Variants in USB1 observed in about 807,000 individuals in gnomAD.
The protein encoded by USB1 is U6 snRNA biogenesis phosphodiesterase 1.
USB1 carries 21 observed loss-of-function variants against 29.9 expected under a neutral mutation model. That is an observed-to-expected ratio of 0.70 (90% CI 0.50 to 1.01). The LOEUF is 1.01. USB1 is among the 50% of genes least tolerant of loss of function. The pLI is 0.00. For synonymous variants in USB1, 143 were observed against 134.9 expected (o/e 1.06, Z -0.42); for missense variants, 330 against 347.1 (o/e 0.95, Z 0.39).
At chr16:58,002,449 T>C in intron 1 of USB1, 30 bp from the exon 2 acceptor site, 1 of 1,612,748 alleles carries the variant, frequency 6.2e-7, no homozygotes, top group East Asian at 2.2e-5. Flanking sequence ...ACAGGATAAA[T>C]GTACTCATTT....
rs370473790 is a variant in USB1 at position 58,020,410 on chromosome 16, T to TTCTCTC, written c.*173_*178dup. Reference sequence around the variant, plus strand: ...TCCTCATCCTCCCTGAGTGCTGATATTCTCTCTCTCTCTTTCTCTTCCTCT... The same window carrying TTCTCTC: ...TCCTCATCCTCCCTGAGTGCTGATATTCTCTCTCTCTCTCTCTCTTTCTCTTCCTCT... On this transcript the variant is annotated 3_prime_UTR_variant, in exon 7 of 7. Transcript: ENST00000219281. 1.3e-4 allele frequency: 91 copies of TTCTCTC among 679,194 alleles called. No homozygotes were observed. The African/African-American group carries it at 1.4e-3, about 11-fold the overall frequency. The allele number at this position is 679,194 out of a possible 1,614,324, so 42.1% of individuals were successfully genotyped here.
At chr16:58,017,469 G>T in intron 5 of USB1, 30 bp downstream of exon 5, 1 of 1,578,228 alleles carries the variant, frequency 6.3e-7, no homozygotes, top group South Asian at 1.1e-5. Flanking sequence ...CTTCTCCATT[G>T]ACCCATTTCT....
Position 58,010,076 on chromosome 16 carries a change from T to C in USB1, c.413T>C (p.Val138Ala). ...VLRHHWILPF[V>A]QALKARMTSF... ...CGCCACCACTGGATCCTCCCCTTCGTGCAGGCTCTGAAAGCCCGTATGACC... is the reference window on the plus strand; with the variant it reads ...CGCCACCACTGGATCCTCCCCTTCGCGCAGGCTCTGAAAGCCCGTATGACC... Residue 138 changes from valine (V) to alanine (A), a missense_variant, in exon 3 of 7, where the codon GTG (valine) becomes GCG (alanine). By Grantham distance (64) the Val-to-Ala change is moderately conservative. Coordinates refer to ENST00000219281, the MANE Select transcript of USB1 (RefSeq NM_024598.4). 6.2e-7 allele frequency: 1 copy of C among 1,614,130 alleles called. No individual in the cohort carries two copies. Among genetic ancestry groups the C allele is most frequent in the East Asian group, 2.2e-5 (1 of 44,866 alleles).
At chr16:58,008,903 G>A (rs75625208) in intron 2 of USB1, among the ~76,000 whole-genome samples, 3,081 of 152,084 alleles carry the variant, frequency 0.02, 42 homozygotes, top group Non-Finnish European at 0.033. Flanking sequence ...TCTTTGATCC[G>A]TGTGTTATTT....
Position 58,013,769 on chromosome 16 carries a change from T to C in USB1, c.450-504T>C, listed in dbSNP as rs564044046. 2.0e-4 allele frequency: 60 copies of C among 301,242 alleles called. No homozygotes were observed. In the Middle Eastern group the frequency reaches 5.0e-3, roughly 25 times the overall value. 18.7% of individuals were successfully genotyped at this position (301,242 alleles called of 1,614,324 possible). ...TGCCTCTGTTTCTTTGTCTGTAAAA[T>C]GGGCATAATTGTAGGCCTGCTCACA... On this transcript the variant is annotated intron_variant, in intron 3 of 6. Coordinates refer to ENST00000219281, the MANE Select transcript of USB1 (RefSeq NM_024598.4). The surrounding 1 kb of genome is among the most constrained non-coding windows in gnomAD (Gnocchi z 4.3).
At chr16:58,012,922 T>C (rs920671962) in intron 3 of USB1, 15 of 986,650 alleles carry the variant, frequency 1.5e-5, no homozygotes, top group Middle Eastern at 1.0e-3. Context: ...CAAGAAATAC[T>C]GATCCCTGTG....
At chr16:58,003,190 G>A (rs146614607) in intron 2 of USB1, among the ~76,000 whole-genome samples, 1,577 of 152,280 alleles carry the variant, frequency 0.01, 37 homozygotes, top group African/African-American at 0.036. Context: ...TTTGGGAAGC[G>A]GAGGCAGGCA....
chr16:58,009,896 G>A (rs142893078), intron 2 of USB1, 33 bp from the exon 3 acceptor site: 13 of 1,613,840 alleles, frequency 8.1e-6, no homozygotes, highest in Non-Finnish European at 1.1e-5. Context: ...TTGGCTGAGA[G>A]AACGGCCCGC....
Position 58,002,482 on chromosome 16 carries a change from C to G in USB1, c.102C>G (p.Gly34=), listed in dbSNP as rs144716560. The G allele has an allele frequency of 6.2e-7, 1 of 1,613,794 alleles. No individual in the cohort carries two copies. Among genetic ancestry groups the G allele is most frequent in the Non-Finnish European group, 8.5e-7 (1 of 1,180,034 alleles). The stretch of plus-strand genomic sequence containing the variant: ...TTTTTCTTTTTTTCTTTTGCAGTGG[C>G]CAGAGCCCCCTTCCCAGGCAGAGAT... ...TRPGDGSHRR[G]QSPLPRQRFP... is the part of the protein sequence containing the mutation. Residue 34 remains glycine (G), a synonymous_variant, in exon 2 of 7, where the codon GGC becomes GGG. Transcript: ENST00000219281.
chr16:58,001,295 G>T, upstream of USB1: 1 of 694,302 alleles, frequency 1.4e-6, no homozygotes, highest in Non-Finnish European at 2.5e-6. Flanking sequence ...GTGCGCAGCC[G>T]GCAGACAGCT....
At position 58,020,453 on chromosome 16, in the gene USB1, C is replaced by T. The variant is rs1212029210; in HGVS notation, c.*208C>T. On this transcript the variant is annotated 3_prime_UTR_variant, in exon 7 of 7. Coordinates refer to ENST00000219281, the MANE Select transcript of USB1 (RefSeq NM_024598.4). ...CTTCCTCTTCTTTCTCTCTCTTCTC[C>T]TCTCTTTCTCTCCTCTGTCTCTCTT... 3.3e-6 allele frequency: 2 copies of T among 598,434 alleles called. No individual in the cohort carries two copies. The highest frequency in any genetic ancestry group is 1.9e-5 in the African/African-American group (1 of 53,802). The allele number at this position is 598,434 out of a possible 1,614,324, so 37.1% of individuals were successfully genotyped here. A position where few individuals can be genotyped will look rare whatever the true frequency, so the allele number is the denominator to read the frequency against.
rs1449695897 is a variant in USB1, at chr16:58,020,500, C to G, written c.*255C>G. ...TCTTCCTCTCCTCTCTTCCTCTCTT[C>G]TCTCTTCCTCTCCTCTCTCTCTTCC... On this transcript the variant is annotated 3_prime_UTR_variant, in exon 7 of 7. Coordinates refer to ENST00000219281, the MANE Select transcript of USB1 (RefSeq NM_024598.4). 7.4e-6 allele frequency: 4 copies of G among 538,866 alleles called. No homozygotes were observed. Among genetic ancestry groups the G allele is most frequent in the East Asian group, 3.3e-5 (1 of 30,110 alleles). The allele number at this position is 538,866 out of a possible 1,614,324, so 33.4% of individuals were successfully genotyped here.
chr16:58,020,063 AGCT>A (rs1963701643), intron 6 of USB1, 75 bp from the exon 7 acceptor site: 1 of 1,407,588 alleles, frequency 7.1e-7, no homozygotes, highest in African/African-American at 1.4e-5. Flanking sequence ...AAGTTGGGTG[AGCT>A]GGTTTTGTTT....
At chr16:58,002,223 C>T (rs1277260671) in intron 1 of USB1, among the ~76,000 whole-genome samples, 2 of 152,182 alleles carry the variant, frequency 1.3e-5, no homozygotes, top group African/African-American at 2.4e-5. Context: ...GCCTGTCCAG[C>T]TTGGAAATGT....
intron 4 of USB1, chr16:58,015,046 C>G (rs566739725): frequency 2.6e-5 from 4 of 152,256 alleles, no homozygotes; most frequent in African/African-American, 9.6e-5. Context: ...CCACTGCACT[C>G]TATCCTGGGT....
chr16:58,018,175 A>G (rs1597055419), intron 5 of USB1, among the ~76,000 whole-genome samples: 1 of 151,788 alleles, frequency 6.6e-6, no homozygotes, highest in Non-Finnish European at 1.5e-5. Context: ...ATTTTTGCAC[A>G]GTTCTGGAGG....
intron 5 of USB1, 81 bp downstream of exon 5, chr16:58,017,520 G>T: frequency 7.7e-7 from 1 of 1,305,916 alleles, no homozygotes; most frequent in South Asian, 1.2e-5. Context: ...CTCGTAAGAG[G>T]CAAACCGAAG....
chr16:58,009,028 C>A (rs1384154467), intron 2 of USB1, among the ~76,000 whole-genome samples: 2 of 152,080 alleles, frequency 1.3e-5, no homozygotes, highest in African/African-American at 4.8e-5. Context: ...GGTTTCTAGT[C>A]TTTTATATTT....
Position 58,020,468 on chromosome 16 carries a change from CTG to C in USB1, c.*225_*226del, listed in dbSNP as rs1190119756. On this transcript the variant is annotated 3_prime_UTR_variant, in exon 7 of 7. Transcript: ENST00000219281. ...CTCTCTTCTCCTCTCTTTCTCTCCT[CTG>C]TCTCTCTTCCTCTCCTCTCTTCCTC... is the stretch of plus-strand genomic sequence containing the variant. The C allele has an allele frequency of 5.6e-5, 32 of 576,386 alleles. No individual in the cohort carries two copies. The Admixed American group carries it at 8.6e-4, about 15-fold the overall frequency. 35.7% of individuals were successfully genotyped at this position (576,386 alleles called of 1,614,324 possible).
Sources: gnomAD v4.1 joint callset for allele counts (sites outside exome capture counted in the v4.1 genomes callset) on GRCh38, gnomAD v4.1.1 for gene constraint, Gnocchi (gnomAD v3.1) non-coding constraint, MANE v1.5 for transcripts, NCBI Gene and HGNC (gene_info 2026-07-23, HGNC 2026-07-21) for gene names.